CSF2RA: variants seen among roughly 807,000 people sequenced by gnomAD.
CSF2RA encodes the protein colony stimulating factor 2 receptor subunit alpha, also known as granulocyte-macrophage colony-stimulating factor receptor subunit alpha.
In CSF2RA, 42 loss-of-function variants were observed where a neutral mutation model predicts 51.6. The observed-to-expected ratio is 0.81, with a 90% CI of 0.64 to 1.05. CSF2RA has a LOEUF of 1.05. CSF2RA is among the 50% of genes least tolerant of loss of function. The pLI, the probability that CSF2RA is intolerant of heterozygous loss-of-function variation, is 0.00. For missense variants in CSF2RA, 530 were observed against 501.1 expected (o/e 1.06, Z -0.55); for synonymous variants, 222 against 193.0 (o/e 1.15, Z -1.24).
intron 10 of CSF2RA, among the ~76,000 whole-genome samples, chrX:1,301,532 G>A (rs1395573108): frequency 6.7e-6 from 1 of 150,008 alleles, no homozygotes. Context: ...GTCAGTCTTT[G>A]TCCGGTCAAA....
At chrX:1,277,513 G>A (rs867921374) in intron 2 of CSF2RA, among the ~76,000 whole-genome samples, 6 of 142,152 alleles carry the variant, frequency 4.2e-5, no homozygotes, top group Non-Finnish European at 7.6e-5. Context: ...AGAGAATGGC[G>A]TGAACCCGGG....
At chrX:1,279,708 C>G (rs1403075508) in intron 2 of CSF2RA, among the ~76,000 whole-genome samples, 1 of 152,008 alleles carries the variant, frequency 6.6e-6, no homozygotes, top group African/African-American at 2.4e-5. Context: ...CAGGTGTGGC[C>G]TACATGCTTT....
chrX:1,305,710 G>A (rs2083496923), intron 12 of CSF2RA, 183 bp downstream of exon 12: 2 of 1,556,044 alleles, frequency 1.3e-6, no homozygotes, highest in Admixed American at 2.0e-5. Context: ...TCTTCTCCAA[G>A]GTTGGGGTCA....
intron 12 of CSF2RA, among the ~76,000 whole-genome samples, chrX:1,308,991 G>C (rs1400477953): frequency 6.6e-6 from 1 of 152,202 alleles, no homozygotes; most frequent in African/African-American, 2.4e-5. Context: ...ACTTTGGGAG[G>C]CCGAGGCGAG....
the CSF2RA span, among the ~76,000 whole-genome samples, chrX:1,320,040 T>C: frequency 2.9e-5 from 4 of 137,184 alleles, no homozygotes; most frequent in East Asian, 2.3e-4. Context: ...GGACTACAGG[T>C]GCCCGCCACC....
the CSF2RA span, among the ~76,000 whole-genome samples, chrX:1,324,714 G>T: frequency 1.3e-5 from 2 of 152,302 alleles, no homozygotes; most frequent in South Asian, 4.1e-4. Context: ...TGACCAAGAA[G>T]CACTCTCGTT....
chrX:1,308,960 G>T (rs1210507098), intron 12 of CSF2RA, among the ~76,000 whole-genome samples: 1 of 152,184 alleles, frequency 6.6e-6, no homozygotes, highest in East Asian at 1.9e-4. Flanking sequence ...AGGTGCAGTG[G>T]CTCATGCCTG....
downstream of CSF2RA, among the ~76,000 whole-genome samples, chrX:1,312,931 A>G (rs1369640324): frequency 1.3e-5 from 2 of 152,090 alleles, no homozygotes; most frequent in African/African-American, 4.8e-5. Flanking sequence ...CTTGGTGGGG[A>G]GAAGCGTCTA....
chrX:1,280,079 T>C (rs1569493667), intron 2 of CSF2RA, among the ~76,000 whole-genome samples: 1 of 151,858 alleles, frequency 6.6e-6, no homozygotes, highest in Non-Finnish European at 1.5e-5. Flanking sequence ...CGTGAGCCAC[T>C]GTGCCCGGCC....
At chrX:1,322,890 G>T in the CSF2RA span, among the ~76,000 whole-genome samples, 1 of 151,826 alleles carries the variant, frequency 6.6e-6, no homozygotes. Flanking sequence ...AGCACTTTGG[G>T]AGGCCAAGAC....
intron 1 of CSF2RA, among the ~76,000 whole-genome samples, chrX:1,272,905 A>G (rs185806173): frequency 0.28 from 39,907 of 144,306 alleles, 6,433 homozygotes; most frequent in African/African-American, 0.47. Context: ...CACAGCCTCC[A>G]CCTCCCAAGG....
downstream of CSF2RA, among the ~76,000 whole-genome samples, chrX:1,310,986 G>A (rs1366012878): frequency 6.6e-6 from 1 of 151,728 alleles, no homozygotes; most frequent in Non-Finnish European, 1.5e-5. Context: ...GGTGGCTCAC[G>A]CCTGTAATCC....
downstream of CSF2RA, among the ~76,000 whole-genome samples, chrX:1,314,450 TTGCACTGCA>T (rs2084378581): frequency 1.1e-4 from 3 of 26,652 alleles, no homozygotes. Flanking sequence ...ACTTGCCCAA[TTGCACTGCA>T]CCTGCCCAAC....
downstream of CSF2RA, among the ~76,000 whole-genome samples, chrX:1,313,327 A>G (rs2084265686): frequency 6.6e-6 from 1 of 151,918 alleles, no homozygotes; most frequent in South Asian, 2.1e-4. Flanking sequence ...CCAGCTACTC[A>G]GGAGGCTGAG....
chrX:1,281,445 C>T (rs1429284554), intron 2 of CSF2RA, among the ~76,000 whole-genome samples: 1 of 140,992 alleles, frequency 7.1e-6, no homozygotes, highest in Non-Finnish European at 1.5e-5. Flanking sequence ...TCTCCTCCTC[C>T]TGCTCCTTCT....
the CSF2RA span, among the ~76,000 whole-genome samples, chrX:1,323,567 C>T: frequency 6.6e-6 from 1 of 151,782 alleles, no homozygotes; most frequent in Non-Finnish European, 1.5e-5. Context: ...ATGGACCGCA[C>T]CTCGAGAAGT....
intron 12 of CSF2RA, among the ~76,000 whole-genome samples, chrX:1,306,204 AAG>A (rs2083551485): frequency 6.6e-6 from 1 of 151,922 alleles, no homozygotes; most frequent in Non-Finnish European, 1.5e-5. Context: ...GGAGACACAA[AAG>A]AGAGGGAAAC....
At chrX:1,310,993 A>G (rs1171325026), downstream of CSF2RA, among the ~76,000 whole-genome samples, 3 of 151,942 alleles carry the variant, frequency 2.0e-5, no homozygotes, top group Non-Finnish European at 4.4e-5. Flanking sequence ...CACGCCTGTA[A>G]TCCTAGCACT....
intron 12 of CSF2RA, among the ~76,000 whole-genome samples, chrX:1,306,620 C>T (rs1341253968): frequency 7.9e-5 from 12 of 152,046 alleles, no homozygotes; most frequent in Middle Eastern, 3.4e-3. Context: ...GCACTCTAAC[C>T]TGGGCAACAG....
Sources: allele counts gnomAD v4.1 joint callset (sites outside exome capture counted in the v4.1 genomes callset), GRCh38; gene constraint gnomAD v4.1.1; transcripts MANE v1.5; gene names NCBI Gene and HGNC (gene_info 2026-07-23, HGNC 2026-07-21).